The following SIL1 variants were observed in gnomAD, a reference collection of about 807,000 sequenced individuals.
SIL1 encodes SIL1 nucleotide exchange factor.
In SIL1, 40 loss-of-function variants were observed where a neutral mutation model predicts 49.1. The ratio of observed to expected loss-of-function variants is 0.81; its 90% CI spans 0.63 to 1.06. The LOEUF (loss-of-function observed/expected upper bound fraction) is 1.06. Ranked by LOEUF, SIL1 falls within the 50% of genes least tolerant of loss-of-function variation. SIL1 has a pLI of 0.00. For missense variants in SIL1, 500 were observed against 572.6 expected (o/e 0.87, Z 1.29); for synonymous variants, 253 against 250.8 (o/e 1.01, Z -0.08).
At chr5:138,999,525 G>C (rs551800362) in intron 7 of SIL1, among the ~76,000 whole-genome samples, 13 of 152,270 alleles carry the variant, frequency 8.5e-5, no homozygotes, top group African/African-American at 3.1e-4. Flanking sequence ...AGCCAGGCAT[G>C]GTAGAGTACA....
intron 7 of SIL1, among the ~76,000 whole-genome samples, chr5:139,011,669 G>A (rs1768275703): frequency 6.6e-6 from 1 of 152,026 alleles, no homozygotes; most frequent in Non-Finnish European, 1.5e-5. Flanking sequence ...ATCTGTTTCT[G>A]CTGTCTTTCA....
intron 5 of SIL1, chr5:139,035,688 C>T (rs568132148): frequency 1.1e-3 from 253 of 237,940 alleles, no homozygotes; most frequent in Admixed American, 2.4e-3. Context: ...CCTGCTCAGT[C>T]GCCAGGCTGG....
chr5:139,001,192 C>T (rs936620289), intron 7 of SIL1, among the ~76,000 whole-genome samples: 2 of 152,018 alleles, frequency 1.3e-5, no homozygotes, highest in African/African-American at 4.8e-5. Flanking sequence ...AACTCTAATA[C>T]AAAACATTGA....
chr5:139,027,743 T>C (rs1184657768), intron 5 of SIL1, among the ~76,000 whole-genome samples: 4 of 152,222 alleles, frequency 2.6e-5, no homozygotes, highest in African/African-American at 9.6e-5. Flanking sequence ...GAGAAGATAG[T>C]GCCTATAAAG....
chr5:139,167,413 G>A (rs1362543996), intron 1 of SIL1, among the ~76,000 whole-genome samples: 2 of 152,220 alleles, frequency 1.3e-5, no homozygotes, highest in African/African-American at 4.8e-5. Flanking sequence ...ATAGAAGACA[G>A]TGATGTTAAT....
chr5:139,027,212 A>G (rs981994763), intron 5 of SIL1, among the ~76,000 whole-genome samples: 2 of 152,232 alleles, frequency 1.3e-5, no homozygotes, highest in Admixed American at 1.3e-4. Flanking sequence ...CACACTCAAG[A>G]TGTTCCAAGA....
chr5:139,008,662 T>C (rs1581025900), intron 7 of SIL1, among the ~76,000 whole-genome samples: 1 of 148,984 alleles, frequency 6.7e-6, no homozygotes, highest in Middle Eastern at 3.4e-3. Context: ...GTATGTTGTG[T>C]CTTTGTTCTC....
At chr5:138,998,739 T>A (rs1053594984) in intron 7 of SIL1, among the ~76,000 whole-genome samples, 1 of 152,148 alleles carries the variant, frequency 6.6e-6, no homozygotes, top group African/African-American at 2.4e-5. Context: ...CACAAGGGAT[T>A]TGCCCCCTGT....
intron 3 of SIL1, among the ~76,000 whole-genome samples, chr5:139,114,967 C>T (rs747318424): frequency 2.6e-5 from 4 of 152,176 alleles, no homozygotes; most frequent in African/African-American, 4.8e-5. Flanking sequence ...TTTGATGAGC[C>T]GCAGGGGCTT....
At chr5:139,161,906 G>A (rs1314887701) in intron 1 of SIL1, among the ~76,000 whole-genome samples, 2 of 151,992 alleles carry the variant, frequency 1.3e-5, no homozygotes, top group Non-Finnish European at 2.9e-5. Context: ...CCCACTACTT[G>A]GGAGGCTGAG....
chr5:139,059,126 T>G (rs1769526900), intron 3 of SIL1, among the ~76,000 whole-genome samples: 1 of 152,210 alleles, frequency 6.6e-6, no homozygotes, highest in Admixed American at 6.5e-5. Flanking sequence ...TGATAAGGTT[T>G]GGCTGTGTCT....
chr5:139,039,193 T>A (rs971063096), intron 5 of SIL1, among the ~76,000 whole-genome samples: 1 of 152,194 alleles, frequency 6.6e-6, no homozygotes, highest in Non-Finnish European at 1.5e-5. Context: ...CTTCTACCAC[T>A]TTTTACTGCC....
chr5:138,950,138 C>G (rs1435814587), intron 9 of SIL1, among the ~76,000 whole-genome samples: 1 of 152,166 alleles, frequency 6.6e-6, no homozygotes, highest in African/African-American at 2.4e-5. Flanking sequence ...CTGGGGGCAG[C>G]AGGGACACAC....
chr5:138,974,836 T>C (rs549765567), intron 7 of SIL1, among the ~76,000 whole-genome samples: 9 of 152,250 alleles, frequency 5.9e-5, no homozygotes, highest in Non-Finnish European at 1.0e-4. Flanking sequence ...TGTTCTGTGC[T>C]ATGAGCTTCA....
intron 3 of SIL1, among the ~76,000 whole-genome samples, chr5:139,064,783 T>G (rs1276878292): frequency 6.6e-6 from 1 of 152,182 alleles, no homozygotes; most frequent in African/African-American, 2.4e-5. Flanking sequence ...CCAGGTCCAG[T>G]TCCACCACTT....
At chr5:139,097,295 A>G (rs1399080003) in intron 3 of SIL1, among the ~76,000 whole-genome samples, 3 of 152,026 alleles carry the variant, frequency 2.0e-5, no homozygotes, top group African/African-American at 7.2e-5. Flanking sequence ...CCTGAAGGGA[A>G]GGATATGGGC....
chr5:139,023,905 C>T (rs1007660147), intron 6 of SIL1, among the ~76,000 whole-genome samples: 2 of 152,220 alleles, frequency 1.3e-5, no homozygotes, highest in Non-Finnish European at 2.9e-5. Context: ...ATTTCTCTGC[C>T]AACAGACAAA....
intron 7 of SIL1, chr5:139,012,916 T>C (rs1255671395): frequency 6.6e-6 from 1 of 152,268 alleles, no homozygotes; most frequent in Non-Finnish European, 1.5e-5. Flanking sequence ...TTTGCACCAC[T>C]GCACTCTAGG....
intron 1 of SIL1, among the ~76,000 whole-genome samples, chr5:139,172,429 C>G (rs1166993898): frequency 1.3e-5 from 2 of 151,896 alleles, no homozygotes; most frequent in Non-Finnish European, 2.9e-5. Context: ...GTCAGGAGTT[C>G]GAGACCAGCC....
Sources: gnomAD v4.1 joint callset for allele counts (sites outside exome capture counted in the v4.1 genomes callset) on GRCh38, gnomAD v4.1.1 for gene constraint, MANE v1.5 for transcripts, NCBI Gene and HGNC (gene_info 2026-07-23, HGNC 2026-07-21) for gene names.